FNDC3A: variants seen among roughly 807,000 people sequenced by gnomAD.
FNDC3A encodes fibronectin type III domain containing 3A.
In FNDC3A, 32 loss-of-function variants were observed where a neutral mutation model predicts 148.9. That is an observed-to-expected ratio of 0.21 (90% CI 0.16 to 0.29). The LOEUF (loss-of-function observed/expected upper bound fraction) is 0.29. Among genes scored for constraint, FNDC3A ranks in the 10% least tolerant of loss-of-function variants. The probability of loss-of-function intolerance (pLI) is 1.00; values close to 1 mark genes in which losing one functional copy is unlikely to be tolerated. For synonymous variants in FNDC3A, 472 were observed against 473.6 expected, an observed-to-expected ratio of 1.00 and a Z score of 0.04; for missense variants, 1,191 against 1,452.8, an observed-to-expected ratio of 0.82 and a Z score of 2.93.
chr13:49,189,199 C>T (rs571302256), intron 17 of FNDC3A, among the ~76,000 whole-genome samples: 6 of 148,078 alleles, frequency 4.1e-5, no homozygotes, highest in Admixed American at 3.4e-4. Context: ...CTCACTCTGT[C>T]GCCCAGGCTG....
intron 2 of FNDC3A, among the ~76,000 whole-genome samples, chr13:49,041,088 G>A (rs984029131): frequency 2.6e-5 from 4 of 152,130 alleles, no homozygotes; most frequent in African/African-American, 9.7e-5. Context: ...CTGCATTTTG[G>A]AGCTGGCCAA....
intron 3 of FNDC3A, among the ~76,000 whole-genome samples, chr13:49,085,746 A>G (rs1878766050): frequency 6.6e-6 from 1 of 152,202 alleles, no homozygotes; most frequent in Admixed American, 6.5e-5. Flanking sequence ...TCTGGGAGTA[A>G]ATTGACCTGG....
At chr13:49,079,363 A>G (rs1050630545) in intron 3 of FNDC3A, among the ~76,000 whole-genome samples, 7 of 152,196 alleles carry the variant, frequency 4.6e-5, no homozygotes, top group Non-Finnish European at 1.0e-4. Flanking sequence ...GTATTACAGT[A>G]TAAAAAGAGA....
At chr13:49,190,712 GT>G (rs1566318628) in intron 17 of FNDC3A, among the ~76,000 whole-genome samples, 2 of 152,036 alleles carry the variant, frequency 1.3e-5, no homozygotes, top group Non-Finnish European at 2.9e-5. Context: ...GTTGGAAGTT[GT>G]TTTTTTCTTT....
chr13:49,053,081 C>T (rs1021309646), intron 2 of FNDC3A, among the ~76,000 whole-genome samples: 4 of 152,210 alleles, frequency 2.6e-5, no homozygotes, highest in African/African-American at 9.6e-5. Flanking sequence ...CTGTAACTCC[C>T]CAACAGCACC....
chr13:49,172,216 T>A, intron 11 of FNDC3A, 120 bp downstream of exon 11: 1 of 609,912 alleles, frequency 1.6e-6, no homozygotes. Context: ...TATGAATGAT[T>A]TTGTGTGGTG....
intron 2 of FNDC3A, among the ~76,000 whole-genome samples, chr13:49,056,515 G>A (rs1191191325): frequency 6.6e-6 from 1 of 152,016 alleles, no homozygotes; most frequent in Non-Finnish European, 1.5e-5. Context: ...AAAAATTCTT[G>A]GCTGGTTTGT....
At chr13:49,187,768 CTTTG>C (rs1256087223) in intron 16 of FNDC3A, 20 of 781,024 alleles carry the variant, frequency 2.6e-5, no homozygotes, top group Non-Finnish European at 3.4e-5. Flanking sequence ...TTTTTTTTTT[CTTTG>C]TTTGTAGCAG....
intron 2 of FNDC3A, among the ~76,000 whole-genome samples, chr13:49,019,203 C>G (rs554016288): frequency 1.3e-5 from 2 of 152,220 alleles, no homozygotes; most frequent in Non-Finnish European, 2.9e-5. Flanking sequence ...CCCCCAGCCT[C>G]GCTGCTGCCT....
chr13:49,167,743 A>T (rs1884552840), intron 9 of FNDC3A, among the ~76,000 whole-genome samples: 1 of 151,736 alleles, frequency 6.6e-6, no homozygotes, highest in African/African-American at 2.4e-5. Flanking sequence ...CAGTTTTTCT[A>T]TTGGTAAAAT....
intron 3 of FNDC3A, among the ~76,000 whole-genome samples, chr13:49,084,739 T>C (rs1878693743): frequency 6.6e-6 from 1 of 152,154 alleles, no homozygotes; most frequent in African/African-American, 2.4e-5. Flanking sequence ...AGAGTTAGTA[T>C]GATCAGGCTC....
At chr13:49,010,884 A>G (rs1232517181) in intron 2 of FNDC3A, among the ~76,000 whole-genome samples, 1 of 152,222 alleles carries the variant, frequency 6.6e-6, no homozygotes, top group East Asian at 1.9e-4. Flanking sequence ...TGATATTTAC[A>G]TAAATTAAAC....
chr13:49,186,935 A>AT (rs914764129), intron 15 of FNDC3A, among the ~76,000 whole-genome samples, 187 bp from the exon 16 acceptor site: 4 of 152,212 alleles, frequency 2.6e-5, no homozygotes, highest in African/African-American at 9.6e-5. Context: ...AGAGAGCCAT[A>AT]TTTTAAATAT....
intron 7 of FNDC3A, among the ~76,000 whole-genome samples, chr13:49,140,223 A>T (rs766186877): frequency 7.9e-5 from 12 of 152,132 alleles, no homozygotes; most frequent in Non-Finnish European, 1.3e-4. Flanking sequence ...GTAGTCCCAG[A>T]TACTTGGGAT....
chr13:49,110,178 C>T, intron 3 of FNDC3A: 1 of 455,982 alleles, frequency 2.2e-6, no homozygotes, highest in Non-Finnish European at 3.9e-6. Flanking sequence ...TCCCCTATAT[C>T]AGAAATGCTG....
At chr13:49,138,683 G>T in intron 6 of FNDC3A, 64 bp from the exon 7 acceptor site, 1 of 725,246 alleles carries the variant, frequency 1.4e-6, no homozygotes, top group South Asian at 2.1e-5. Flanking sequence ...TACATATTTA[G>T]GGAGAAGAAG....
intron 8 of FNDC3A, among the ~76,000 whole-genome samples, chr13:49,162,459 A>G (rs926688204): frequency 6.6e-6 from 1 of 152,168 alleles, no homozygotes; most frequent in African/African-American, 2.4e-5. Flanking sequence ...CAGCTCCATC[A>G]GATCATTTAA....
intron 1 of FNDC3A, among the ~76,000 whole-genome samples, chr13:48,994,257 A>G (rs1183721809): frequency 6.6e-6 from 1 of 152,234 alleles, no homozygotes; most frequent in African/African-American, 2.4e-5. Flanking sequence ...TGACAGTCAA[A>G]TGGATGGTAC....
At chr13:49,116,091 A>T (rs1270485930) in intron 4 of FNDC3A, among the ~76,000 whole-genome samples, 1 of 152,176 alleles carries the variant, frequency 6.6e-6, no homozygotes, top group African/African-American at 2.4e-5. Flanking sequence ...GATGATTAAG[A>T]CAAGTTCTTT....
Sources: allele counts gnomAD v4.1 joint callset (sites outside exome capture counted in the v4.1 genomes callset), GRCh38; gene constraint gnomAD v4.1.1; transcripts MANE v1.5; gene names NCBI Gene and HGNC (gene_info 2026-07-23, HGNC 2026-07-21).